The following SBK1 variants were observed in gnomAD, a reference collection of about 807,000 sequenced individuals.
SBK1 encodes SH3 domain binding kinase 1.
A neutral mutation model predicts 24.4 loss-of-function variants in SBK1; 11 were observed. The observed-to-expected ratio is 0.45, with a 90% CI of 0.28 to 0.75. The LOEUF (loss-of-function observed/expected upper bound fraction) is 0.75, where lower values mean the gene tolerates loss of function less well. SBK1 is among the 30% of genes least tolerant of loss of function. The pLI is 0.12. For missense variants in SBK1, 467 were observed against 620.5 expected (o/e 0.75, Z 2.63); for synonymous variants, 308 against 284.4 (o/e 1.08, Z -0.83).
intron 1 of SBK1, among the ~76,000 whole-genome samples, chr16:28,313,480 C>T (rs1169739100): frequency 6.6e-6 from 1 of 151,618 alleles, no homozygotes; most frequent in African/African-American, 2.4e-5. Context: ...ACCTTGTGGT[C>T]CCAGCTACTC....
chr16:28,303,519 T>C (rs1236028493), intron 1 of SBK1, among the ~76,000 whole-genome samples: 1 of 133,676 alleles, frequency 7.5e-6, no homozygotes, highest in Non-Finnish European at 1.6e-5. Context: ...TTTTTTTTTT[T>C]TTTTTTTTTT....
intron 2 of SBK1, among the ~76,000 whole-genome samples, chr16:28,318,684 G>T (rs1385161751): frequency 6.6e-6 from 1 of 152,200 alleles, no homozygotes; most frequent in Non-Finnish European, 1.5e-5. Flanking sequence ...CGTTCTAGAT[G>T]GGGTAGGCTG....
rs34582546 is a variant in SBK1 at position 28,279,413 on chromosome 16, C to CAAA, written c.257+19930_257+19932dup. Among the ~76,000 whole-genome samples the CAAA allele has an allele frequency of 7.0e-3, 595 of 84,690 alleles. 4 individuals carry two copies. Among genetic ancestry groups the CAAA allele is most frequent in the African/African-American group, 0.024 (539 of 22,932 alleles). The allele number at this position is 84,690 out of a possible 152,430, so 55.6% of individuals were successfully genotyped here. ...AGATCTGGTCTCTAAAAAACAAAAC[C>CAAA]AAAAAAAAAAAAAAAAAAAAACCAC... On this transcript the variant is annotated intron_variant, in intron 1 of 3. Transcript: ENST00000671413.
Position 28,259,835 on chromosome 16 carries a change from G to A in SBK1, c.257+333G>A, listed in dbSNP as rs188824259. Reference sequence around the variant, plus strand: ...ATTCAAGGCCTGCGTGATTGGGGCCGACACTCCCCACCTCATCTCACTCTG... The same window carrying A: ...ATTCAAGGCCTGCGTGATTGGGGCCAACACTCCCCACCTCATCTCACTCTG... On this transcript the variant is annotated intron_variant, in intron 1 of 3. Coordinates refer to the SBK1 transcript ENST00000671413. This position sits in a 1 kb window ranked among gnomAD's most constrained non-coding sequence, Gnocchi z 6.0. 3.1e-3 allele frequency among the ~76,000 whole-genome samples: 470 copies of A among 152,144 alleles called. 2 individuals carry two copies. Among genetic ancestry groups the A allele is most frequent in the Non-Finnish European group, 3.4e-3 (233 of 67,996 alleles).
At chr16:28,283,211 A>T (rs1285272058) in intron 1 of SBK1, among the ~76,000 whole-genome samples, 1 of 152,056 alleles carries the variant, frequency 6.6e-6, no homozygotes, top group East Asian at 1.9e-4. Flanking sequence ...GATTACAAGT[A>T]TGAGCCACCG....
chr16:28,268,783 A>G (rs886805629), intron 1 of SBK1, among the ~76,000 whole-genome samples: 7 of 151,990 alleles, frequency 4.6e-5, no homozygotes, highest in Non-Finnish European at 8.8e-5. Flanking sequence ...GAAAGAAGGA[A>G]AAAAGAGCTA....
rs1292735474 is a variant in SBK1 at position 28,321,102 on chromosome 16, C to T, written c.*181C>T. ...GGCTGGTGAGGGGGCCACCAAAGAC[C>T]CCTAGCGCGGCCTGGTGAGCGGGGG... On this transcript the variant is annotated 3_prime_UTR_variant, in exon 4 of 4. Transcript: ENST00000341901. The T allele has an allele frequency of 3.9e-6, 2 of 513,646 alleles. No homozygotes were observed. Among genetic ancestry groups the T allele is most frequent in the Non-Finnish European group, 3.1e-6 (1 of 326,782 alleles). 31.8% of individuals were successfully genotyped at this position (513,646 alleles called of 1,614,324 possible). A position where few individuals can be genotyped will look rare whatever the true frequency, so the allele number is the denominator to read the frequency against.
chr16:28,269,784 G>A (rs1182729091), intron 1 of SBK1, among the ~76,000 whole-genome samples: 14 of 151,792 alleles, frequency 9.2e-5, no homozygotes, highest in Admixed American at 7.2e-4. Flanking sequence ...GCTGAGGCAC[G>A]AGAATCGCTT....
rs2044809777 is a variant in SBK1 at position 28,317,921 on chromosome 16, G to GTT, written c.226+304_226+305insTT. ...GGCTGTGCCAGGAGTGTCTGGGGAG[G>GTT]GCAGGGCTGCCGGCTGTGTCTGAGT... On this transcript the variant is annotated intron_variant, in intron 2 of 3. Coordinates refer to ENST00000341901, the MANE Select transcript of SBK1 (RefSeq NM_001024401.3). The surrounding 1 kb of genome is among the most constrained non-coding windows in gnomAD (Gnocchi z 4.2). Among the ~76,000 whole-genome samples, 1 of 152,118 alleles carries GTT rather than the reference G, an allele frequency of 6.6e-6. No individual in the cohort carries two copies. The highest frequency in any genetic ancestry group is 6.5e-5 in the Admixed American group (1 of 15,272).
At chr16:28,275,410 A>G (rs1468117486) in intron 1 of SBK1, among the ~76,000 whole-genome samples, 3 of 152,174 alleles carry the variant, frequency 2.0e-5, no homozygotes, top group Middle Eastern at 3.2e-3. Flanking sequence ...TATTTTCTAT[A>G]TGTATATAAG....
intron 1 of SBK1, among the ~76,000 whole-genome samples, chr16:28,271,871 C>A (rs2044467627): frequency 6.6e-6 from 1 of 152,122 alleles, no homozygotes; most frequent in Admixed American, 6.6e-5. Flanking sequence ...TTCTGCCCTG[C>A]AAAAGACTCT....
intron 1 of SBK1, among the ~76,000 whole-genome samples, chr16:28,312,048 T>C (rs2044757856): frequency 1.3e-5 from 2 of 152,226 alleles, no homozygotes; most frequent in Middle Eastern, 3.2e-3. Context: ...CACGTGTGGA[T>C]GTGTGTGCTG....
At chr16:28,296,174 G>C (rs1431918449) in intron 1 of SBK1, among the ~76,000 whole-genome samples, 1 of 149,012 alleles carries the variant, frequency 6.7e-6, no homozygotes, top group African/African-American at 2.5e-5. Flanking sequence ...GGCTCGCTGC[G>C]ACCTCCACCT....
At chr16:28,305,657 G>A (rs989985641) in intron 1 of SBK1, among the ~76,000 whole-genome samples, 3 of 150,500 alleles carry the variant, frequency 2.0e-5, no homozygotes, top group East Asian at 2.0e-4. Context: ...TCAGCCTCCC[G>A]AGTAGCTGGG....
chr16:28,314,009 GAAC>G (rs1350599972), intron 1 of SBK1, among the ~76,000 whole-genome samples: 1 of 147,452 alleles, frequency 6.8e-6, no homozygotes, highest in African/African-American at 2.5e-5. Flanking sequence ...ATGATGACGA[GAAC>G]AACACAGCAA....
intron 1 of SBK1, among the ~76,000 whole-genome samples, chr16:28,280,346 A>G (rs995478700): frequency 2.1e-5 from 3 of 144,448 alleles, no homozygotes; most frequent in South Asian, 2.1e-4. Flanking sequence ...ATATATATAT[A>G]TAAAATATAT....
chr16:28,284,140 G>A lies in SBK1; in HGVS notation c.257+24638G>A, dbSNP rs140038007. Among the ~76,000 whole-genome samples, 8 of 152,274 alleles carry A rather than the reference G, an allele frequency of 5.3e-5. No homozygotes were observed. In the East Asian group the frequency reaches 5.8e-4, roughly 11 times the overall value. On this transcript the variant is annotated intron_variant, in intron 1 of 3. Transcript: ENST00000671413. ...TCGCTGTCTTCCTGTCTCACCCACC[G>A]ACCCACCACTCCACTACCTGGGATC...
At chr16:28,261,432 C>G (rs186975349) in intron 1 of SBK1, among the ~76,000 whole-genome samples, 132 of 43,060 alleles carry the variant, frequency 3.1e-3, no homozygotes, top group African/African-American at 9.8e-3. Context: ...CCCGTCTACA[C>G]ACACACACAC....
chr16:28,317,390 A>C lies in SBK1; in HGVS notation c.-2A>C. On this transcript the variant is annotated 5_prime_UTR_variant, in exon 2 of 4. Coordinates refer to ENST00000341901, the MANE Select transcript of SBK1 (RefSeq NM_001024401.3). The surrounding 1 kb of genome is among the most constrained non-coding windows in gnomAD (Gnocchi z 4.2). Reference sequence around the variant, plus strand: ...TCACCACCCCTACCCAACAGGGAGAAGATGAGCGTGGGCTGCCCAGAGCCT... The same window carrying C: ...TCACCACCCCTACCCAACAGGGAGACGATGAGCGTGGGCTGCCCAGAGCCT... The C allele has an allele frequency of 6.2e-7, 1 of 1,612,834 alleles. No individual in the cohort carries two copies. Among genetic ancestry groups the C allele is most frequent in the Non-Finnish European group, 8.5e-7 (1 of 1,179,086 alleles).
Sources: gnomAD v4.1 joint callset for allele counts (sites outside exome capture counted in the v4.1 genomes callset) on GRCh38, gnomAD v4.1.1 for gene constraint, Gnocchi (gnomAD v3.1) non-coding constraint, MANE v1.5 for transcripts, NCBI Gene and HGNC (gene_info 2026-07-23, HGNC 2026-07-21) for gene names.